AKT3: variants seen among roughly 807,000 people sequenced by gnomAD.
The protein encoded by AKT3 is RAC-gamma serine/threonine-protein kinase.
A neutral mutation model predicts 65.3 loss-of-function variants in AKT3; 15 were observed. The ratio of observed to expected loss-of-function variants is 0.23; its 90% CI spans 0.15 to 0.35. The LOEUF (loss-of-function observed/expected upper bound fraction) is 0.35, where lower values mean the gene tolerates loss of function less well. Ranked by LOEUF, AKT3 falls within the 10% of genes least tolerant of loss-of-function variation. AKT3 has a pLI of 1.00. For missense variants in AKT3, 243 were observed against 576.5 expected (o/e 0.42, Z 5.92); for synonymous variants, 206 against 183.8 (o/e 1.12, Z -0.98).
chr1:243,709,480 T>A (rs940052069), intron 2 of AKT3, among the ~76,000 whole-genome samples: 1 of 151,898 alleles, frequency 6.6e-6, no homozygotes, highest in African/African-American at 2.4e-5. Context: ...AGTATAGTAG[T>A]TCTCCACTCA....
At chr1:243,735,553 C>A (rs185222782) in intron 2 of AKT3, 3 of 152,142 alleles carry the variant, frequency 2.0e-5, no homozygotes, top group Non-Finnish European at 2.9e-5. Flanking sequence ...TATTTCGTTG[C>A]GTTTCCTCTC....
intron 12 of AKT3, among the ~76,000 whole-genome samples, chr1:243,540,959 G>A (rs1468091238): frequency 6.6e-6 from 1 of 152,140 alleles, no homozygotes; most frequent in Non-Finnish European, 1.5e-5. Context: ...TGGGTTCCAT[G>A]AAGTCAACAT....
At position 243,547,122 on chromosome 1, in the gene AKT3, G is replaced by C. The variant is rs1346037066; in HGVS notation, c.1164-1525C>G. On this transcript the variant is annotated intron_variant, in intron 11 of 13. Transcript: ENST00000673466. ...ACAGTAAGTGCAGCCCCAACTCATA[G>C]TATTTGCCAATTCTGGCGGTATAAA... Among the ~76,000 whole-genome samples, 4 of 152,186 alleles carry C rather than the reference G, an allele frequency of 2.6e-5. 1 individual carries two copies. The highest frequency in any genetic ancestry group is 9.6e-5 in the African/African-American group (4 of 41,560).
chr1:243,766,100 GCA>G (rs1338554367), intron 2 of AKT3, among the ~76,000 whole-genome samples: 2 of 152,078 alleles, frequency 1.3e-5, no homozygotes, highest in Non-Finnish European at 2.9e-5. Context: ...TGTAAGTCTG[GCA>G]CAGAGTAAGT....
chr1:243,625,643 C>CT (rs1679104755), intron 6 of AKT3, among the ~76,000 whole-genome samples: 1 of 151,978 alleles, frequency 6.6e-6, no homozygotes, highest in Non-Finnish European at 1.5e-5. Context: ...GTGACAAAAC[C>CT]AAGACAGTAC....
intron 2 of AKT3, among the ~76,000 whole-genome samples, chr1:243,838,808 T>G (rs1330900045): frequency 6.6e-6 from 1 of 152,078 alleles, no homozygotes; most frequent in Non-Finnish European, 1.5e-5. Flanking sequence ...AAGGACAAAG[T>G]CAGTACAAAG....
At chr1:243,703,759 T>G (rs145224712) in intron 2 of AKT3, among the ~76,000 whole-genome samples, 2,810 of 78,628 alleles carry the variant, frequency 0.036, 83 homozygotes, top group African/African-American at 0.11. Flanking sequence ...AGACTCCATC[T>G]CAAAAAAAAA....
intron 10 of AKT3, among the ~76,000 whole-genome samples, chr1:243,559,801 G>A (rs890902899): frequency 5.9e-5 from 9 of 152,106 alleles, no homozygotes; most frequent in African/African-American, 2.2e-4. Context: ...AGAAGCAGTA[G>A]TCAAGAATGT....
chr1:243,695,630 C>T lies in AKT3; in HGVS notation c.133G>A (p.Val45Met). ...FIGYKEKPQD[V>M]DLPYPLNNFS... ...TTGTTGAGGGGATAAGGTAAATCCA[C>T]ATCTTGAGGTTTCTCTTTATATCCT... The change falls in exon 3 of 14, where the codon GTG (valine) becomes ATG (methionine). Residue 45 changes from valine to methionine, a missense_variant. Around this residue, in one of 6 missense-constraint regions of AKT3, gnomAD observed 29 missense variants for 91.3 expected, o/e 0.32. Transcript: ENST00000673466. The T allele has an allele frequency of 6.2e-7, 1 of 1,607,166 alleles. No individual in the cohort carries two copies. The highest frequency in any genetic ancestry group is 8.5e-7 in the Non-Finnish European group (1 of 1,175,844).
chr1:243,707,773 G>T (rs898612384), intron 2 of AKT3, among the ~76,000 whole-genome samples: 1 of 151,970 alleles, frequency 6.6e-6, no homozygotes, highest in African/African-American at 2.4e-5. Context: ...ATTCAAAGAA[G>T]TGTTAAGTCA....
intron 3 of AKT3, among the ~76,000 whole-genome samples, chr1:243,685,696 A>C (rs1466009440): frequency 6.6e-6 from 1 of 152,130 alleles, no homozygotes; most frequent in East Asian, 1.9e-4. Flanking sequence ...AAACCAGCAC[A>C]AGACAAGGAT....
intron 2 of AKT3, among the ~76,000 whole-genome samples, chr1:243,779,559 A>G (rs1690774826): frequency 6.6e-6 from 1 of 152,172 alleles, no homozygotes; most frequent in Non-Finnish European, 1.5e-5. Flanking sequence ...GAAATATTTA[A>G]TAAGATAAAT....
chr1:243,528,864 TTGAGA>T (rs1671333840), intron 12 of AKT3, among the ~76,000 whole-genome samples: 2 of 152,200 alleles, frequency 1.3e-5, no homozygotes, highest in Non-Finnish European at 2.9e-5. Flanking sequence ...CTGCTTTGAG[TTGAGA>T]TATTGCCAAA....
chr1:243,764,548 A>G (rs928350252), intron 2 of AKT3, among the ~76,000 whole-genome samples: 1 of 152,138 alleles, frequency 6.6e-6, no homozygotes, highest in African/African-American at 2.4e-5. Flanking sequence ...AATTTATTTC[A>G]GTTTCAAAGA....
At chr1:243,772,463 A>G (rs562353824) in intron 2 of AKT3, among the ~76,000 whole-genome samples, 27 of 152,372 alleles carry the variant, frequency 1.8e-4, no homozygotes, top group African/African-American at 6.5e-4. Context: ...CCATCAGAGA[A>G]CTGCAAATCA....
chr1:243,659,021 C>A (rs1219230339), intron 4 of AKT3, among the ~76,000 whole-genome samples: 1 of 151,306 alleles, frequency 6.6e-6, no homozygotes, highest in Non-Finnish European at 1.5e-5. Context: ...CAGAGCAAGA[C>A]CTTGTCTCAA....
intron 2 of AKT3, among the ~76,000 whole-genome samples, chr1:243,709,910 C>T (rs1381193762): frequency 6.6e-6 from 1 of 152,020 alleles, no homozygotes; most frequent in East Asian, 1.9e-4. Flanking sequence ...ACGATTTATG[C>T]TTTTCCTGCC....
At chr1:243,540,689 C>T (rs561916792) in intron 12 of AKT3, among the ~76,000 whole-genome samples, 171 of 152,220 alleles carry the variant, frequency 1.1e-3, no homozygotes, top group Non-Finnish European at 1.7e-3. Flanking sequence ...CCACCAATGC[C>T]CCTGCCTAGT....
chr1:243,615,186 TC>T, intron 6 of AKT3, 25 bp from the exon 7 acceptor site: 1 of 1,559,136 alleles, frequency 6.4e-7, no homozygotes, highest in Non-Finnish European at 8.8e-7. Context: ...AAGCAAACCT[TC>T]AATATATGTT....
Sources: allele counts gnomAD v4.1 joint callset (sites outside exome capture counted in the v4.1 genomes callset), GRCh38; gene constraint gnomAD v4.1.1; regional missense constraint gnomAD v4.1.1; transcripts MANE v1.5; gene names NCBI Gene and HGNC (gene_info 2026-07-23, HGNC 2026-07-21).